Variants in PAX2 observed in about 807,000 individuals in gnomAD.
PAX2 encodes the protein paired box 2.
PAX2 carries 9 observed loss-of-function variants against 41.7 expected under a neutral mutation model. That is an observed-to-expected ratio of 0.22 (90% CI 0.13 to 0.38). PAX2 has a LOEUF of 0.38. Among genes scored for constraint, PAX2 ranks in the 10% least tolerant of loss-of-function variants. The probability of loss-of-function intolerance (pLI) is 1.00; values close to 1 mark genes in which losing one functional copy is unlikely to be tolerated. For synonymous variants in PAX2, 221 were observed against 212.7 expected (o/e 1.04, Z -0.34); for missense variants, 418 against 531.6 (o/e 0.79, Z 2.10).
chr10:100,827,412 C>A lies in PAX2; in HGVS notation c.1109-131C>A. On this transcript the variant is annotated intron_variant, in intron 9 of 9. Transcript: ENST00000355243. This position sits in a 1 kb window ranked among gnomAD's most constrained non-coding sequence, Gnocchi z 8.5. Reference sequence around the variant, plus strand: ...CTCCGGGGCAACTGGCTCCACTGCCCAGCCAAGGTCTCCCAGTCCGGATCC... The same window carrying A: ...CTCCGGGGCAACTGGCTCCACTGCCAAGCCAAGGTCTCCCAGTCCGGATCC... The A allele has an allele frequency of 1.1e-6, 1 of 934,246 alleles. No homozygotes were observed. The highest frequency in any genetic ancestry group is 1.7e-6 in the Non-Finnish European group (1 of 577,260). The allele number at this position is 934,246 out of a possible 1,614,324, so 57.9% of individuals were successfully genotyped here. A position where few individuals can be genotyped will look rare whatever the true frequency, so the allele number is the denominator to read the frequency against.
At chr10:100,744,412 T>G (rs1328786495), upstream of PAX2, among the ~76,000 whole-genome samples, 1 of 152,226 alleles carries the variant, frequency 6.6e-6, no homozygotes, top group Non-Finnish European at 1.5e-5. Flanking sequence ...ATCTCCCGGA[T>G]ATTCTGTACT....
chr10:100,811,442 T>C (rs1847987397), intron 7 of PAX2, among the ~76,000 whole-genome samples: 1 of 152,272 alleles, frequency 6.6e-6, no homozygotes, highest in African/African-American at 2.4e-5. Context: ...ATATGCCATC[T>C]CAGCAGTGGG....
intron 3 of PAX2, among the ~76,000 whole-genome samples, chr10:100,777,348 G>T (rs904225849): frequency 1.3e-5 from 2 of 150,080 alleles, no homozygotes; most frequent in African/African-American, 2.5e-5. Flanking sequence ...ATCTGCCTGC[G>T]TCGGCCTCCC....
intron 5 of PAX2, among the ~76,000 whole-genome samples, chr10:100,792,174 T>C (rs963698165): frequency 2.0e-5 from 3 of 152,188 alleles, no homozygotes; most frequent in African/African-American, 7.2e-5. Context: ...TGGTTGACAA[T>C]GTTAAAGTAT....
At chr10:100,804,271 T>TACACACACACACACACACACACACAC in intron 5 of PAX2, among the ~76,000 whole-genome samples, 1 of 147,870 alleles carries the variant, frequency 6.8e-6, no homozygotes, top group East Asian at 2.0e-4. Context: ...GTTCAGCCCC[T>TACACACACACACACACACACACACAC]ACACACACAC....
In PAX2 at chr10:100,787,227, G is replaced by C. The variant is rs1030697070; in HGVS notation, c.616+5862G>C. Among the ~76,000 whole-genome samples the C allele has an allele frequency of 2.6e-5, 4 of 152,072 alleles. No homozygotes were observed. The East Asian group carries it at 7.7e-4, about 29-fold the overall frequency. On this transcript the variant is annotated intron_variant, in intron 5 of 9. Transcript: ENST00000355243. ...GATGGGGTTTGGGAGCTGAGGCCCC[G>C]GTGGCCTGGAGGGTCAGGCACTCAG...
rs139501942 is a variant in PAX2, at chr10:100,775,784, C to T, written c.411-3714C>T. Among the ~76,000 whole-genome samples the T allele has an allele frequency of 4.6e-3, 700 of 152,324 alleles. 6 individuals carry two copies. The highest frequency in any genetic ancestry group is 0.016 in the African/African-American group (654 of 41,566). On this transcript the variant is annotated intron_variant, in intron 3 of 9. Coordinates refer to ENST00000355243, the MANE Select transcript of PAX2 (RefSeq NM_000278.5). The stretch of plus-strand genomic sequence containing the variant: ...AACTAGGAGCAGCTGCTCTGAGCTG[C>T]TCAGCATCTTTCTAGACTTTTCTTG...
rs181834304 is a variant in PAX2 at position 100,751,095 on chromosome 10, G to T, written c.410+204G>T. ...AGGGCTGTCTGCAGTTCAGGGCTGG[G>T]TATTCCCTGCCAGGCTTCTCCCGCC... On this transcript the variant is annotated intron_variant, in intron 3 of 9. Transcript: ENST00000355243. 6.4e-3 allele frequency among the ~76,000 whole-genome samples: 977 copies of T among 152,226 alleles called. 13 individuals carry two copies. Among genetic ancestry groups the T allele is most frequent in the African/African-American group, 0.022 (920 of 41,536 alleles).
At chr10:100,782,194 G>A (rs145447463) in intron 5 of PAX2, among the ~76,000 whole-genome samples, 131 of 152,228 alleles carry the variant, frequency 8.6e-4, no homozygotes, top group Non-Finnish European at 1.2e-3. Context: ...CATGGTTCCC[G>A]CTGGAGAAGT....
At chr10:100,809,021 C>T in intron 6 of PAX2, 89 bp from the exon 7 acceptor site, 2 of 1,268,494 alleles carry the variant, frequency 1.6e-6, no homozygotes, top group African/African-American at 1.5e-5. Context: ...TCTGGGCGGG[C>T]TCCCCTGTTC....
At chr10:100,759,326 G>A (rs1356795849) in intron 3 of PAX2, among the ~76,000 whole-genome samples, 1 of 152,214 alleles carries the variant, frequency 6.6e-6, no homozygotes, top group African/African-American at 2.4e-5. Context: ...AGGAATAGCG[G>A]CCTGGCTGGA....
Position 100,829,081 on chromosome 10 carries a change from A to AT in PAX2, c.*1468dup. The AT allele has an allele frequency of 4.4e-6, 1 of 229,786 alleles. No homozygotes were observed. The highest frequency in any genetic ancestry group is 8.6e-6 in the Non-Finnish European group (1 of 115,918). 14.2% of individuals were successfully genotyped at this position (229,786 alleles called of 1,614,324 possible). On this transcript the variant is annotated 3_prime_UTR_variant, in exon 10 of 10. Transcript: ENST00000355243. ...ACAGCACGTCCTGGGGGAGGGGGGC[A>AT]TTTTTTATGTTACAAAAAAAAATTA...
upstream of PAX2, among the ~76,000 whole-genome samples, chr10:100,742,807 C>G (rs1391492236): frequency 1.5e-5 from 1 of 65,138 alleles, no homozygotes; most frequent in African/African-American, 5.5e-5. Flanking sequence ...TGTTTTCTTT[C>G]TTTCTCTTTC....
chr10:100,789,402 A>G (rs1413687485), intron 5 of PAX2, among the ~76,000 whole-genome samples: 1 of 152,302 alleles, frequency 6.6e-6, no homozygotes, highest in African/African-American at 2.4e-5. Context: ...GACTGTGCCC[A>G]GCCTGAGTTT....
intron 5 of PAX2, among the ~76,000 whole-genome samples, chr10:100,787,557 A>G (rs1030729766): frequency 6.6e-6 from 1 of 152,098 alleles, no homozygotes; most frequent in African/African-American, 2.4e-5. Flanking sequence ...TTCAATCTCC[A>G]TCCATGAATC....
intron 7 of PAX2, among the ~76,000 whole-genome samples, chr10:100,817,712 G>A (rs1848237793): frequency 1.3e-5 from 2 of 152,098 alleles, no homozygotes; most frequent in Admixed American, 1.3e-4. Flanking sequence ...CCTCAGGTGG[G>A]GTATGGGGCT....
At chr10:100,781,122 C>G in intron 4 of PAX2, 124 bp from the exon 5 acceptor site, 1 of 902,366 alleles carries the variant, frequency 1.1e-6, no homozygotes, top group South Asian at 1.3e-5. Context: ...ATGAGAGGAA[C>G]GTGGGCTCCT....
intron 3 of PAX2, among the ~76,000 whole-genome samples, chr10:100,767,908 G>C (rs544292538): frequency 1.3e-5 from 2 of 152,250 alleles, no homozygotes; most frequent in African/African-American, 4.8e-5. Context: ...AATGGAAGGA[G>C]ACTGAAGACA....
chr10:100,740,652 TAGACAAGACAGGCG>T (rs1844920978), upstream of PAX2, among the ~76,000 whole-genome samples: 1 of 152,138 alleles, frequency 6.6e-6, no homozygotes, highest in Non-Finnish European at 1.5e-5. Flanking sequence ...CTCCATGGAG[TAGACAAGACAGGCG>T]TAATTATCCC....
Sources: allele counts gnomAD v4.1 joint callset (sites outside exome capture counted in the v4.1 genomes callset), GRCh38; gene constraint gnomAD v4.1.1; non-coding constraint Gnocchi (gnomAD v3.1); transcripts MANE v1.5; gene names NCBI Gene and HGNC (gene_info 2026-07-23, HGNC 2026-07-21).